Variants in CC2D2A observed in about 807,000 individuals in gnomAD.
The protein encoded by CC2D2A is coiled-coil and C2 domain containing 2A.
In CC2D2A, 155 loss-of-function variants were observed where a neutral mutation model predicts 212.9. That is an observed-to-expected ratio of 0.73 (90% CI 0.64 to 0.83). The LOEUF (loss-of-function observed/expected upper bound fraction) is 0.83. Among genes scored for constraint, CC2D2A ranks in the 40% least tolerant of loss-of-function variants. CC2D2A has a pLI of 0.00. For synonymous variants in CC2D2A, 667 were observed against 686.5 expected, an observed-to-expected ratio of 0.97 and a Z score of 0.44; for missense variants, 1,856 against 1,956.2, an observed-to-expected ratio of 0.95 and a Z score of 0.97.
In CC2D2A at chr4:15,567,665, CTT is replaced by C. The variant is rs770737692; in HGVS notation, c.3289-11_3289-10del. 5 of 1,576,166 alleles carry C rather than the reference CTT, an allele frequency of 3.2e-6. No individual in the cohort carries two copies. The highest frequency in any genetic ancestry group is 4.3e-6 in the Non-Finnish European group (5 of 1,163,098). On this transcript the variant is annotated splice_polypyrimidine_tract_variant and intron_variant, in intron 25 of 36. Transcript: ENST00000424120. ...AACCATTGGGAACTCAGAATTTGCTCTTGATTTTAAGGTTTTAGTACGTCCCT... is the reference window on the plus strand; with the variant it reads ...AACCATTGGGAACTCAGAATTTGCTCGATTTTAAGGTTTTAGTACGTCCCT...
At chr4:15,580,324 A>T (rs1720605431) in intron 30 of CC2D2A, among the ~76,000 whole-genome samples, 153 bp downstream of exon 30, 1 of 152,224 alleles carries the variant, frequency 6.6e-6, no homozygotes, top group Non-Finnish European at 1.5e-5. Context: ...TTTTATTAAC[A>T]TGAGGTTTTC....
intron 4 of CC2D2A, among the ~76,000 whole-genome samples, chr4:15,497,868 A>G (rs1465701573): frequency 6.6e-6 from 1 of 152,194 alleles, no homozygotes; most frequent in African/African-American, 2.4e-5. Context: ...TATGGCTTAT[A>G]TGTCAATAAA....
intron 11 of CC2D2A, among the ~76,000 whole-genome samples, chr4:15,525,874 C>G (rs1485579833): frequency 2.0e-5 from 3 of 152,038 alleles, no homozygotes; most frequent in African/African-American, 7.2e-5. Flanking sequence ...TTGGGCTAAG[C>G]AAAAAGCAGA....
intron 11 of CC2D2A, among the ~76,000 whole-genome samples, chr4:15,523,053 G>T (rs1717303141): frequency 6.6e-6 from 1 of 151,638 alleles, no homozygotes; most frequent in South Asian, 2.1e-4. Flanking sequence ...GGCGAAGGTT[G>T]CAGTGAGCAG....
intron 28 of CC2D2A, among the ~76,000 whole-genome samples, chr4:15,573,480 G>A (rs777006388): frequency 1.4e-4 from 21 of 152,104 alleles, no homozygotes; most frequent in Non-Finnish European, 2.5e-4. Context: ...TGGTAAAGAT[G>A]GAGTTTCACC....
rs1716497404 is a variant in CC2D2A at position 15,510,304 on chromosome 4, CA to C, written c.540+65del. The stretch of plus-strand genomic sequence containing the variant: ...TGTTTTTTACAAATATCCAATGACA[CA>C]TGACTACAGGCCGGGTGTGGTGGCT... On this transcript the variant is annotated intron_variant, in intron 7 of 36. Transcript: ENST00000424120. 10 of 1,413,212 alleles carry C rather than the reference CA, an allele frequency of 7.1e-6. No individual in the cohort carries two copies. The Middle Eastern group carries it at 7.1e-4, about 100-fold the overall frequency. The allele number at this position is 1,413,212 out of a possible 1,614,324, so 87.5% of individuals were successfully genotyped here.
At chr4:15,526,663 C>A (rs1319207811) in intron 11 of CC2D2A, among the ~76,000 whole-genome samples, 1 of 152,082 alleles carries the variant, frequency 6.6e-6, no homozygotes, top group African/African-American at 2.4e-5. Flanking sequence ...ACCACCATAT[C>A]CTTACTATAG....
chr4:15,572,924 T>C (rs1192169536), intron 28 of CC2D2A, among the ~76,000 whole-genome samples: 1 of 152,040 alleles, frequency 6.6e-6, no homozygotes, highest in East Asian at 1.9e-4. Context: ...GAGTCTAATG[T>C]TTGAGGGCAG....
intron 11 of CC2D2A, among the ~76,000 whole-genome samples, chr4:15,517,338 A>G (rs1322926703): frequency 6.6e-6 from 1 of 151,706 alleles, no homozygotes; most frequent in Admixed American, 6.6e-5. Context: ...AGCTACACTT[A>G]TTTTTCTTCT....
chr4:15,587,952 T>A, intron 32 of CC2D2A, 23 bp downstream of exon 32: 1 of 1,334,100 alleles, frequency 7.5e-7, no homozygotes, highest in Non-Finnish European at 1.1e-6. Context: ...AGGCTGCCTT[T>A]AACAGAGGAG....
chr4:15,494,592 T>C (rs1715504954), intron 4 of CC2D2A, among the ~76,000 whole-genome samples: 1 of 152,158 alleles, frequency 6.6e-6, no homozygotes, highest in Admixed American at 6.6e-5. Flanking sequence ...GGAGAAGAAA[T>C]CAATGACCTA....
At chr4:15,592,248 AT>A (rs1283001259) in intron 33 of CC2D2A, among the ~76,000 whole-genome samples, 1 of 151,982 alleles carries the variant, frequency 6.6e-6, no homozygotes, top group Non-Finnish European at 1.5e-5. Context: ...GGGTCCAACA[AT>A]TCTAAAATAC....
chr4:15,597,594 T>C, intron 35 of CC2D2A, 129 bp downstream of exon 35: 1 of 753,722 alleles, frequency 1.3e-6, no homozygotes, highest in East Asian at 2.7e-5. Context: ...GTTTATAGAT[T>C]CCAAATACAG....
intron 33 of CC2D2A, 78 bp from the exon 34 acceptor site, chr4:15,596,007 C>A: frequency 9.7e-7 from 1 of 1,035,604 alleles, no homozygotes; most frequent in South Asian, 2.6e-5. Context: ...GCCTCTATGC[C>A]ACACATACAT....
chr4:15,493,152 A>C (rs1715409031), intron 4 of CC2D2A, among the ~76,000 whole-genome samples: 1 of 152,062 alleles, frequency 6.6e-6, no homozygotes, highest in East Asian at 1.9e-4. Flanking sequence ...TGTACCTGAA[A>C]TTATCATCCC....
chr4:15,493,964 T>G (rs910176547), intron 4 of CC2D2A, among the ~76,000 whole-genome samples: 1 of 152,148 alleles, frequency 6.6e-6, no homozygotes, highest in Non-Finnish European at 1.5e-5. Flanking sequence ...TGGAAATTCA[T>G]GAAGCTCGTT....
Position 15,527,487 on chromosome 4 carries a change from C to T in CC2D2A, c.1190C>T (p.Ser397Phe), listed in dbSNP as rs1318226093. 1 of 1,613,636 alleles carries T rather than the reference C, an allele frequency of 6.2e-7. No homozygotes were observed. Among genetic ancestry groups the T allele is most frequent in the Admixed American group, 1.7e-5 (1 of 59,994 alleles). ...CACAGTAGTCAGCATGTGATCAGAT[C>T]TGGAGACCCTCCTGGAAATTTCCAA... is the stretch of plus-strand genomic sequence containing the variant. ...YVHSSQHVIRSGDPPGNFQLD... is the reference protein window; with the variant it reads ...YVHSSQHVIRFGDPPGNFQLD... The change falls in exon 12 of 37, where the codon TCT becomes TTT. Residue 397 changes from serine to phenylalanine, a missense_variant. Transcript: ENST00000424120.
chr4:15,536,920 G>A lies in CC2D2A; in HGVS notation c.1608G>A (p.Lys536=), dbSNP rs1577357272. 1 of 1,612,794 alleles carries A rather than the reference G, an allele frequency of 6.2e-7. No individual in the cohort carries two copies. The highest frequency in any genetic ancestry group is 8.5e-7 in the Non-Finnish European group (1 of 1,179,372). The change falls in exon 15 of 37, where the codon AAG becomes AAA. Residue 536 remains lysine, a splice_region_variant and synonymous_variant. Transcript: ENST00000424120. ...TNTPLKLVLR[K]EKADQKADEE... The stretch of plus-strand genomic sequence containing the variant: ...CAAGGGACTACAAATTATTTTAAAG[G>A]GAAAAAGCTGACCAGAAAGCAGATG...
intron 30 of CC2D2A, among the ~76,000 whole-genome samples, chr4:15,583,959 A>C (rs1720756743): frequency 6.7e-6 from 1 of 150,046 alleles, no homozygotes; most frequent in Non-Finnish European, 1.5e-5. Context: ...TCAAAAAAAA[A>C]AAAAAGAAAA....
Sources: gnomAD v4.1 joint callset for allele counts (sites outside exome capture counted in the v4.1 genomes callset) on GRCh38, gnomAD v4.1.1 for gene constraint, MANE v1.5 for transcripts, NCBI Gene and HGNC (gene_info 2026-07-23, HGNC 2026-07-21) for gene names.